PRKAG2: variants seen among roughly 807,000 people sequenced by gnomAD.
The protein encoded by PRKAG2 is protein kinase AMP-activated non-catalytic subunit gamma 2.
Under a neutral mutation model 69.6 loss-of-function variants are expected in PRKAG2, and 26 were observed. The observed-to-expected ratio is 0.37, with a 90% CI of 0.27 to 0.52. The LOEUF (loss-of-function observed/expected upper bound fraction) is 0.52. PRKAG2 is among the 20% of genes least tolerant of loss of function. The probability of loss-of-function intolerance (pLI) is 0.90; values close to 1 mark genes in which losing one functional copy is unlikely to be tolerated. For missense variants in PRKAG2, 557 were observed against 740.0 expected (o/e 0.75, Z 2.87); for synonymous variants, 293 against 285.0 (o/e 1.03, Z -0.28).
chr7:151,652,363 C>T lies in PRKAG2; in HGVS notation c.685-20225G>A, dbSNP rs116152896. 7.1e-3 allele frequency among the ~76,000 whole-genome samples: 1,074 copies of T among 152,268 alleles called. 20 individuals carry two copies. Among genetic ancestry groups the T allele is most frequent in the African/African-American group, 0.025 (1,030 of 41,534 alleles). ...GCAGATCTGAGAATTCCACCGAATT[C>T]TTCTAACCCAGACATGAAAAAGCTT... On this transcript the variant is annotated intron_variant, in intron 4 of 15. Transcript: ENST00000287878.
At chr7:151,667,548 C>A (rs1400317848) in intron 4 of PRKAG2, among the ~76,000 whole-genome samples, 1 of 152,190 alleles carries the variant, frequency 6.6e-6, no homozygotes, top group African/African-American at 2.4e-5. Flanking sequence ...ACTGCCACTT[C>A]TGCTTCATTT....
At position 151,875,562 on chromosome 7, in the gene PRKAG2, GGTGTGTGTGTGTGT is replaced by G. The variant is rs55660204; in HGVS notation, c.114+931_114+944del. 4.7e-3 allele frequency among the ~76,000 whole-genome samples: 617 copies of G among 131,392 alleles called. 8 individuals carry two copies. The highest frequency in any genetic ancestry group is 0.013 in the African/African-American group (463 of 34,666). 86.2% of individuals were successfully genotyped at this position (131,392 alleles called of 152,430 possible). A position where few individuals can be genotyped will look rare whatever the true frequency, so the allele number is the denominator to read the frequency against. Reference sequence around the variant, plus strand: ...AATAACTTTCTCTACGGAGCACTCTGGTGTGTGTGTGTGTGTGTGTGTGTGTGTGTGTGTGTGTG... The same window carrying G: ...AATAACTTTCTCTACGGAGCACTCTGGTGTGTGTGTGTGTGTGTGTGTGTG... On this transcript the variant is annotated intron_variant, in intron 1 of 15. Transcript: ENST00000287878.
At chr7:151,710,820 G>A (rs556442232) in intron 3 of PRKAG2, among the ~76,000 whole-genome samples, 1 of 152,298 alleles carries the variant, frequency 6.6e-6, no homozygotes, top group African/African-American at 2.4e-5. Flanking sequence ...TTTGTTCTCT[G>A]TACCTCTGTG....
At chr7:151,838,091 G>A (rs114497371) in intron 1 of PRKAG2, among the ~76,000 whole-genome samples, 2,823 of 152,134 alleles carry the variant, frequency 0.019, 99 homozygotes, top group African/African-American at 0.063. Context: ...GACTGGAAAG[G>A]ACAGGAGAGG....
At chr7:151,620,634 T>C (rs1821269295) in intron 5 of PRKAG2, among the ~76,000 whole-genome samples, 1 of 152,032 alleles carries the variant, frequency 6.6e-6, no homozygotes, top group South Asian at 2.1e-4. Context: ...TCCGCTACCA[T>C]ACCTGGCTAA....
At chr7:151,738,330 A>C (rs13237725) in intron 3 of PRKAG2, among the ~76,000 whole-genome samples, 1,207 of 69,274 alleles carry the variant, frequency 0.017, no homozygotes, top group Middle Eastern at 0.038. Context: ...TCTGCCACTC[A>C]CACGGGGCCT....
chr7:151,874,183 TA>T lies in PRKAG2; in HGVS notation c.114+2323del, dbSNP rs2080303240. Among the ~76,000 whole-genome samples the T allele has an allele frequency of 1.6e-5, 2 of 125,828 alleles. 1 individual carries two copies. The highest frequency in any genetic ancestry group is 5.0e-4 in the East Asian group (2 of 3,988). 82.5% of individuals were successfully genotyped at this position (125,828 alleles called of 152,430 possible). A position where few individuals can be genotyped will look rare whatever the true frequency, so the allele number is the denominator to read the frequency against. On this transcript the variant is annotated intron_variant, in intron 1 of 15. Transcript: ENST00000287878. ...TGTATATGTATATGATGTATATGTATATGTATATGTATATGATGTATATGTA... is the reference window on the plus strand; with the variant it reads ...TGTATATGTATATGATGTATATGTATTGTATATGTATATGATGTATATGTA...
chr7:151,673,811 G>A (rs906579727), intron 4 of PRKAG2, among the ~76,000 whole-genome samples: 1 of 151,138 alleles, frequency 6.6e-6, no homozygotes, highest in Non-Finnish European at 1.5e-5. Flanking sequence ...TGATAGGGGT[G>A]GGCCCTCATC....
chr7:151,695,054 C>T (rs1468440501), intron 3 of PRKAG2, among the ~76,000 whole-genome samples: 1 of 152,178 alleles, frequency 6.6e-6, no homozygotes, highest in Non-Finnish European at 1.5e-5. Context: ...TTCCTGCAGC[C>T]AAGTTTCCGA....
rs372278752 is a variant in PRKAG2 at position 151,721,155 on chromosome 7, C to A, written c.467-45518G>T. Among the ~76,000 whole-genome samples, 38 of 152,046 alleles carry A rather than the reference C, an allele frequency of 2.5e-4. No homozygotes were observed. In the East Asian group the frequency reaches 7.1e-3, roughly 29 times the overall value. On this transcript the variant is annotated intron_variant, in intron 3 of 15. Coordinates refer to ENST00000287878, the MANE Select transcript of PRKAG2 (RefSeq NM_016203.4). ...CTGGATGGGGCAGCCTGGCCACCTACCCAGGCATGGGAGCCAGAACCCTGC... is the reference window on the plus strand; with the variant it reads ...CTGGATGGGGCAGCCTGGCCACCTAACCAGGCATGGGAGCCAGAACCCTGC...
At chr7:151,631,498 A>AG (rs1343697586) in intron 5 of PRKAG2, 5 of 271,146 alleles carry the variant, frequency 1.8e-5, no homozygotes, top group East Asian at 9.2e-5. Context: ...AAGACAGGAG[A>AG]GGGAAAAAAA....
chr7:151,864,157 C>T (rs1246218934), intron 1 of PRKAG2, among the ~76,000 whole-genome samples: 1 of 152,152 alleles, frequency 6.6e-6, no homozygotes, highest in African/African-American at 2.4e-5. Context: ...TCCTGACCTC[C>T]AGCCTCAAGA....
intron 3 of PRKAG2, among the ~76,000 whole-genome samples, chr7:151,683,691 C>T (rs967183976): frequency 1.3e-5 from 2 of 152,128 alleles, no homozygotes; most frequent in African/African-American, 2.4e-5. Flanking sequence ...GGGAGGATGG[C>T]GAGCGCCGTG....
chr7:151,825,167 T>C (rs1162361430), intron 1 of PRKAG2, among the ~76,000 whole-genome samples: 2 of 152,142 alleles, frequency 1.3e-5, no homozygotes, highest in Non-Finnish European at 1.5e-5. Context: ...TGAGCTGAGA[T>C]CGTGCCATTG....
rs1252376418 is a variant in PRKAG2, at chr7:151,583,975, C to T, written c.865-7523G>A. Among the ~76,000 whole-genome samples, 1 of 152,210 alleles carries T rather than the reference C, an allele frequency of 6.6e-6. No homozygotes were observed. The highest frequency in any genetic ancestry group is 1.5e-5 in the Non-Finnish European group (1 of 68,038). ...TGATGCCTCACTGCTTTCTACACAG[C>T]TTCACTCTGATTTTCAGTAATTAAG... On this transcript the variant is annotated intron_variant, in intron 6 of 15. Transcript: ENST00000287878. This position sits in a 1 kb window ranked among gnomAD's most constrained non-coding sequence, Gnocchi z 4.1.
intron 4 of PRKAG2, among the ~76,000 whole-genome samples, chr7:151,663,808 A>G (rs1372045389): frequency 6.6e-6 from 1 of 152,200 alleles, no homozygotes; most frequent in Non-Finnish European, 1.5e-5. Context: ...ATGAGACTCA[A>G]TCTGCCCCTT....
At chr7:151,761,188 C>T (rs1279207112) in intron 3 of PRKAG2, among the ~76,000 whole-genome samples, 1 of 152,178 alleles carries the variant, frequency 6.6e-6, no homozygotes, top group Non-Finnish European at 1.5e-5. Context: ...GTTTAAACTA[C>T]ATACAGTTTA....
At chr7:151,628,065 T>G (rs1019901797) in intron 5 of PRKAG2, among the ~76,000 whole-genome samples, 3 of 152,050 alleles carry the variant, frequency 2.0e-5, no homozygotes, top group Non-Finnish European at 4.4e-5. Flanking sequence ...GGAGAGACAG[T>G]CAGTCTGGCA....
In PRKAG2 at chr7:151,771,131, CT is replaced by C. The variant is rs1206498435; in HGVS notation, c.466+10020del. On this transcript the variant is annotated intron_variant, in intron 3 of 15. Transcript: ENST00000287878. This position sits in a 1 kb window ranked among gnomAD's most constrained non-coding sequence, Gnocchi z 4.0. ...TCAGGCTCTAAGATCTGCCTGATTTCTACTACTGTAAGAACATAGAAAGTAA... is the reference window on the plus strand; with the variant it reads ...TCAGGCTCTAAGATCTGCCTGATTTCACTACTGTAAGAACATAGAAAGTAA... Among the ~76,000 whole-genome samples the C allele has an allele frequency of 1.3e-5, 2 of 152,214 alleles. No homozygotes were observed. The highest frequency in any genetic ancestry group is 1.5e-5 in the Non-Finnish European group (1 of 68,040).
Sources: allele counts gnomAD v4.1 joint callset (sites outside exome capture counted in the v4.1 genomes callset), GRCh38; gene constraint gnomAD v4.1.1; non-coding constraint Gnocchi (gnomAD v3.1); transcripts MANE v1.5; gene names NCBI Gene and HGNC (gene_info 2026-07-23, HGNC 2026-07-21).